Variants in IMPG1 observed in about 807,000 individuals in gnomAD.
The protein encoded by IMPG1 is interphotoreceptor matrix proteoglycan of 150 kDa.
Under a neutral mutation model 92.0 loss-of-function variants are expected in IMPG1, and 85 were observed. The ratio of observed to expected loss-of-function variants is 0.92; its 90% CI spans 0.78 to 1.11. The LOEUF (loss-of-function observed/expected upper bound fraction) is 1.11, where lower values mean the gene tolerates loss of function less well. Among genes scored for constraint, IMPG1 ranks in the 50% least tolerant of loss-of-function variants. IMPG1 has a pLI of 0.00. For synonymous variants in IMPG1, 367 were observed against 334.1 expected (o/e 1.10, Z -1.08); for missense variants, 1,022 against 956.0 (o/e 1.07, Z -0.91).
At chr6:76,065,287 A>G (rs1784290472) in intron 1 of IMPG1, among the ~76,000 whole-genome samples, 1 of 152,128 alleles carries the variant, frequency 6.6e-6, no homozygotes, top group Admixed American at 6.6e-5. Context: ...TATTAATTTT[A>G]AAGAAGCTTA....
chr6:75,945,666 TC>T (rs1781915002), intron 14 of IMPG1, among the ~76,000 whole-genome samples: 1 of 152,142 alleles, frequency 6.6e-6, no homozygotes, highest in South Asian at 2.1e-4. Context: ...TTCTCCATTT[TC>T]CATTTGCAGA....
intron 8 of IMPG1, among the ~76,000 whole-genome samples, chr6:76,008,052 G>A (rs1783126580): frequency 6.6e-6 from 1 of 152,182 alleles, no homozygotes; most frequent in Non-Finnish European, 1.5e-5. Context: ...CCATGGGACA[G>A]CTTGCAAGAA....
Position 75,923,656 on chromosome 6 carries a change from A to G in IMPG1, c.2294T>C (p.Phe765Ser), listed in dbSNP as rs771927192. 2.4e-4 allele frequency: 387 copies of G among 1,584,654 alleles called. 1 individual carries two copies. The highest frequency in any genetic ancestry group is 3.2e-4 in the Non-Finnish European group (372 of 1,155,030). Residue 765 changes from phenylalanine to serine, a missense_variant, in exon 16 of 17, where the codon TTC becomes TCC. By Grantham distance (155) the Phe-to-Ser change is radical. Around this residue, in one of 3 missense-constraint regions of IMPG1, gnomAD observed 332 missense variants for 346.2 expected, o/e 0.96. Coordinates refer to ENST00000369950, the MANE Select transcript of IMPG1 (RefSeq NM_001563.4). ...TACCTTGTTATTTTGTTGATTTTGGAACTTTTTAACACTAGTTTTGTATGC... is the reference window on the plus strand; with the variant it reads ...TACCTTGTTATTTTGTTGATTTTGGGACTTTTTAACACTAGTTTTGTATGC... Reference protein sequence around the residue: ...NQAYKTSVKKFQNQQNNKVIS... With the variant: ...NQAYKTSVKKSQNQQNNKVIS...
intron 12 of IMPG1, among the ~76,000 whole-genome samples, chr6:75,981,316 G>A (rs563499935): frequency 3.1e-4 from 47 of 152,288 alleles, no homozygotes; most frequent in Non-Finnish European, 5.7e-4. Context: ...TTCAACTTTA[G>A]TCAGTAGCTT....
rs1424437151 is a variant in IMPG1, at chr6:76,005,472, C to T, written c.950G>A (p.Ser317Asn). The change falls in exon 10 of 17, where the codon AGC (serine) becomes AAC (asparagine). Residue 317 changes from serine to asparagine, a missense_variant. Coordinates refer to ENST00000369950, the MANE Select transcript of IMPG1 (RefSeq NM_001563.4). Reference sequence around the variant, plus strand: ...AAAAGACAGGAGGTCACTTGCAGGGCTTTTTGCTTCTGCACTGTGTCTCTT... The same window carrying T: ...AAAAGACAGGAGGTCACTTGCAGGGTTTTTTGCTTCTGCACTGTGTCTCTT... ...IFKRHSAEAK[S>N]PASDLLSFDS... The T allele has an allele frequency of 1.9e-6, 3 of 1,613,798 alleles. No homozygotes were observed. The South Asian group carries it at 3.3e-5, about 18-fold the overall frequency.
intron 1 of IMPG1, among the ~76,000 whole-genome samples, chr6:76,055,759 A>T (rs73468844): frequency 0.056 from 8,594 of 152,114 alleles, 685 homozygotes; most frequent in African/African-American, 0.18. Flanking sequence ...TTCTATAAAC[A>T]TAAAAAAGTT....
At chr6:76,020,542 G>A (rs182907430) in intron 6 of IMPG1, among the ~76,000 whole-genome samples, 23 of 152,220 alleles carry the variant, frequency 1.5e-4, no homozygotes, top group Admixed American at 7.2e-4. Flanking sequence ...TGTAATGAAG[G>A]GGAAAGGGTT....
chr6:75,999,227 A>T (rs1344646818), intron 12 of IMPG1, among the ~76,000 whole-genome samples: 1 of 150,606 alleles, frequency 6.6e-6, no homozygotes, highest in Non-Finnish European at 1.5e-5. Flanking sequence ...CTACAAAAAA[A>T]CAGTAACAAT....
intron 12 of IMPG1, among the ~76,000 whole-genome samples, chr6:75,963,907 A>G (rs1364313028): frequency 6.6e-6 from 1 of 152,186 alleles, no homozygotes; most frequent in East Asian, 1.9e-4. Flanking sequence ...CTGATGCTAA[A>G]ATGGTTACCT....
rs966134040 is a variant in IMPG1 at position 75,990,360 on chromosome 6, TAGA to T, written c.1291+12555_1291+12557del. 8.5e-5 allele frequency among the ~76,000 whole-genome samples: 13 copies of T among 152,178 alleles called. 1 individual carries two copies. The highest frequency in any genetic ancestry group is 4.6e-4 in the Admixed American group (7 of 15,282). On this transcript the variant is annotated intron_variant, in intron 12 of 16. Transcript: ENST00000369950. The stretch of plus-strand genomic sequence containing the variant: ...CTCATTCATTGCCGTGGAAGAAAAA[TAGA>T]AGAAGAAGCTGAAAATCCTCTTATC...
At chr6:75,993,208 C>A (rs988811899) in intron 12 of IMPG1, among the ~76,000 whole-genome samples, 2 of 152,086 alleles carry the variant, frequency 1.3e-5, no homozygotes, top group South Asian at 4.1e-4. Flanking sequence ...TTTCAATTTA[C>A]CCCCAAATTT....
At chr6:75,930,731 T>G (rs994937765) in intron 15 of IMPG1, among the ~76,000 whole-genome samples, 36 of 152,174 alleles carry the variant, frequency 2.4e-4, no homozygotes, top group Non-Finnish European at 5.0e-4. Context: ...ACCAGCAGCA[T>G]CAGCCCTACC....
At chr6:75,935,061 T>G (rs956207129) in intron 14 of IMPG1, 1 of 468,138 alleles carries the variant, frequency 2.1e-6, no homozygotes, top group Non-Finnish European at 4.4e-6. Context: ...TTCGTGGACG[T>G]TTTTTCCAAT....
At chr6:76,020,548 G>A (rs1783404392) in intron 6 of IMPG1, among the ~76,000 whole-genome samples, 1 of 152,162 alleles carries the variant, frequency 6.6e-6, no homozygotes, top group African/African-American at 2.4e-5. Flanking sequence ...GAAGGGGAAA[G>A]GGTTAGAGGA....
chr6:76,014,641 T>C (rs1490711560), intron 7 of IMPG1, among the ~76,000 whole-genome samples: 1 of 152,204 alleles, frequency 6.6e-6, no homozygotes, highest in Non-Finnish European at 1.5e-5. Flanking sequence ...GAGCAGCAGA[T>C]TCAGATCCTG....
Position 75,922,126 on chromosome 6 carries a change from T to C in IMPG1, c.2357A>G (p.Tyr786Cys). The C allele has an allele frequency of 1.4e-6, 2 of 1,402,340 alleles. No individual in the cohort carries two copies. Among genetic ancestry groups the C allele is most frequent in the East Asian group, 4.6e-5 (2 of 43,172 alleles). The allele number at this position is 1,402,340 out of a possible 1,614,324, so 86.9% of individuals were successfully genotyped here. ...KRNSELLTVE[Y>C]EEFNHQDWEG... is the part of the protein sequence containing the mutation. ...CCAATCTTGATGGTTAAATTCTTCATATTCTACGGTCAGTAATTCAGAATT... is the reference window on the plus strand; with the variant it reads ...CCAATCTTGATGGTTAAATTCTTCACATTCTACGGTCAGTAATTCAGAATT... The change falls in exon 17 of 17, where the codon TAT becomes TGT. Residue 786 changes from tyrosine (Y) to cysteine (C), a missense_variant. Physicochemically the swap from Tyr to Cys is radical, Grantham distance 194 (BLOSUM62 -2). Around this residue, in one of 3 missense-constraint regions of IMPG1, gnomAD observed 332 missense variants for 346.2 expected, o/e 0.96. Transcript: ENST00000369950.
intron 12 of IMPG1, among the ~76,000 whole-genome samples, chr6:75,953,228 C>G (rs886954071): frequency 1.4e-4 from 22 of 152,160 alleles, no homozygotes; most frequent in Non-Finnish European, 4.4e-5. Flanking sequence ...ATTATGTCAT[C>G]AATCAACAAA....
At chr6:76,061,665 A>G (rs1440977006) in intron 1 of IMPG1, among the ~76,000 whole-genome samples, 1 of 152,230 alleles carries the variant, frequency 6.6e-6, no homozygotes, top group African/African-American at 2.4e-5. Context: ...ACTAAGATAA[A>G]CATTATTTCC....
intron 1 of IMPG1, among the ~76,000 whole-genome samples, chr6:76,055,616 T>A (rs1161485711): frequency 2.0e-5 from 3 of 151,780 alleles, no homozygotes; most frequent in Admixed American, 6.6e-5. Context: ...AAAGTCAAAC[T>A]TTTTTGGAAA....
Sources: gnomAD v4.1 joint callset for allele counts (sites outside exome capture counted in the v4.1 genomes callset) on GRCh38, gnomAD v4.1.1 for gene constraint, gnomAD v4.1.1 regional missense constraint, MANE v1.5 for transcripts, NCBI Gene and HGNC (gene_info 2026-07-23, HGNC 2026-07-21) for gene names.